The following DNAH11 variants were observed in gnomAD, a reference collection of about 807,000 sequenced individuals.
DNAH11 encodes the protein axonemal beta dynein heavy chain 11.
Under a neutral mutation model 526.0 loss-of-function variants are expected in DNAH11, and 442 were observed. That is an observed-to-expected ratio of 0.84 (90% CI 0.78 to 0.91). The LOEUF (loss-of-function observed/expected upper bound fraction) is 0.91, where lower values mean the gene tolerates loss of function less well. Ranked by LOEUF, DNAH11 falls within the 40% of genes least tolerant of loss-of-function variation. The pLI is 0.00. For synonymous variants in DNAH11, 2,461 were observed against 1,935.9 expected (o/e 1.27, Z -7.12); for missense variants, 6,989 against 5,448.7 (o/e 1.28, Z -8.90).
chr7:21,636,145 A>G, intron 26 of DNAH11, 50 bp downstream of exon 26: 2 of 1,466,618 alleles, frequency 1.4e-6, no homozygotes, highest in Non-Finnish European at 1.9e-6. Context: ...TTGTAAAGTA[A>G]CATGGTTTTG....
intron 2 of DNAH11, among the ~76,000 whole-genome samples, chr7:21,549,502 G>A (rs1782938365): frequency 6.6e-6 from 1 of 152,178 alleles, no homozygotes. Context: ...AAATGGGGGG[G>A]TTGAGTTTTT....
At chr7:21,651,445 C>A (rs952448127) in intron 28 of DNAH11, among the ~76,000 whole-genome samples, 2 of 152,116 alleles carry the variant, frequency 1.3e-5, no homozygotes, top group Non-Finnish European at 2.9e-5. Flanking sequence ...TCACTGCAAC[C>A]TCCGCCCCTC....
In DNAH11 at chr7:21,791,992, A is replaced by G. The variant is rs374187242; in HGVS notation, c.10026+2650A>G. Among the ~76,000 whole-genome samples, 14 of 152,294 alleles carry G rather than the reference A, an allele frequency of 9.2e-5. No individual in the cohort carries two copies. In the East Asian group the frequency reaches 2.3e-3, roughly 25 times the overall value. On this transcript the variant is annotated intron_variant, in intron 61 of 81. Coordinates refer to ENST00000409508, the MANE Select transcript of DNAH11 (RefSeq NM_001277115.2). ...TTCCTGCTTTGGGCGGGGCCTCAGG[A>G]AACTTTCAACCATGGCAGAAAGCAA...
intron 31 of DNAH11, among the ~76,000 whole-genome samples, chr7:21,683,254 C>A (rs992937025): frequency 6.6e-6 from 1 of 152,030 alleles, no homozygotes; most frequent in African/African-American, 2.4e-5. Flanking sequence ...GGATTTTTAA[C>A]TGGAAGATGA....
At chr7:21,568,256 C>T (rs1783751371) in intron 6 of DNAH11, among the ~76,000 whole-genome samples, 1 of 152,004 alleles carries the variant, frequency 6.6e-6, no homozygotes. Flanking sequence ...AATCTAGTGG[C>T]TTTTAGCTTG....
chr7:21,787,178 TG>T (rs1234307513), intron 59 of DNAH11, among the ~76,000 whole-genome samples: 1 of 152,216 alleles, frequency 6.6e-6, no homozygotes, highest in East Asian at 1.9e-4. Context: ...CCTCCTGTGC[TG>T]GGACTGAATA....
intron 54 of DNAH11, among the ~76,000 whole-genome samples, chr7:21,756,136 G>C (rs1366723159): frequency 4.0e-5 from 6 of 151,698 alleles, no homozygotes; most frequent in Admixed American, 3.9e-4. Context: ...TGCACTCCAT[G>C]GTTATAAAAA....
intron 25 of DNAH11, among the ~76,000 whole-genome samples, chr7:21,633,676 T>G (rs1171958109): frequency 6.6e-6 from 1 of 152,156 alleles, no homozygotes; most frequent in Non-Finnish European, 1.5e-5. Flanking sequence ...GAAGATGCAC[T>G]TGAGTAGGGA....
At chr7:21,733,819 C>T (rs1463491677) in intron 45 of DNAH11, among the ~76,000 whole-genome samples, 1 of 152,138 alleles carries the variant, frequency 6.6e-6, no homozygotes, top group Non-Finnish European at 1.5e-5. Context: ...CCTTCTAAGG[C>T]AGGGACTGTC....
chr7:21,862,077 C>G (rs878966560), intron 69 of DNAH11, 54 bp downstream of exon 69: 2 of 1,461,990 alleles, frequency 1.4e-6, no homozygotes, highest in South Asian at 1.3e-5. Context: ...GCAGATGCCT[C>G]TGTTTATTAT....
At chr7:21,664,303 T>TTTTTAAATG (rs1280846611) in intron 30 of DNAH11, among the ~76,000 whole-genome samples, 2 of 152,132 alleles carry the variant, frequency 1.3e-5, no homozygotes, top group African/African-American at 4.8e-5. Flanking sequence ...ATTTGATTTG[T>TTTTTAAATG]TTTTAAATGT....
chr7:21,768,299 G>C (rs35428164), intron 55 of DNAH11, among the ~76,000 whole-genome samples: 33,398 of 152,182 alleles, frequency 0.22, 4,408 homozygotes, highest in East Asian at 0.53. Flanking sequence ...TGTGTGAAGA[G>C]CTTAGTGATT....
chr7:21,782,659 C>T (rs1395177826), intron 57 of DNAH11, among the ~76,000 whole-genome samples: 2 of 152,204 alleles, frequency 1.3e-5, no homozygotes, highest in Non-Finnish European at 2.9e-5. Flanking sequence ...TGCCTGTAAT[C>T]TCAGCACTTT....
At chr7:21,849,809 C>G (rs1300550317) in intron 66 of DNAH11, among the ~76,000 whole-genome samples, 2 of 152,000 alleles carry the variant, frequency 1.3e-5, no homozygotes, top group Non-Finnish European at 2.9e-5. Flanking sequence ...TGGCATTTAT[C>G]CTGCTTAATG....
intron 41 of DNAH11, 117 bp from the exon 42 acceptor site, chr7:21,711,595 G>C (rs1437970743): frequency 7.1e-6 from 10 of 1,410,060 alleles, no homozygotes; most frequent in Non-Finnish European, 9.4e-6. Flanking sequence ...CTGCACTTCT[G>C]ATTCAGGAGA....
intron 14 of DNAH11, among the ~76,000 whole-genome samples, chr7:21,594,061 CAT>C (rs1562686731): frequency 1.5e-5 from 2 of 129,952 alleles, no homozygotes; most frequent in African/African-American, 5.9e-5. Flanking sequence ...TTCATACACA[CAT>C]ACACACACAC....
At position 21,737,618 on chromosome 7, in the gene DNAH11, A is replaced by T. The variant is rs370668977; in HGVS notation, c.7646-1083A>T. On this transcript the variant is annotated intron_variant, in intron 46 of 81. Transcript: ENST00000409508. ...TGACCCTGGACCAGAATTGTAGAAA[A>T]GGAGGTGGCAAGTTGGGAACATATG... Among the ~76,000 whole-genome samples, 13 of 152,290 alleles carry T rather than the reference A, an allele frequency of 8.5e-5. No homozygotes were observed. In the East Asian group the frequency reaches 1.9e-3, roughly 23 times the overall value.
chr7:21,662,611 A>G (rs1782281408), intron 30 of DNAH11, among the ~76,000 whole-genome samples: 1 of 152,004 alleles, frequency 6.6e-6, no homozygotes, highest in South Asian at 2.1e-4. Context: ...TTTTTGTGGT[A>G]AGAATGTTTA....
At position 21,892,277 on chromosome 7, in the gene DNAH11, T is replaced by C. The variant is rs1784352261; in HGVS notation, c.12508-148T>C. ...GTCTGGTGTTGCATATAGAGCAAAA[T>C]TGTTGATTATAAAACAGTTTAGGGA... On this transcript the variant is annotated intron_variant, in intron 76 of 81. Transcript: ENST00000409508. 30 of 1,124,254 alleles carry C rather than the reference T, an allele frequency of 2.7e-5. No individual in the cohort carries two copies. The East Asian group carries it at 4.0e-4, about 15-fold the overall frequency. 69.6% of individuals were successfully genotyped at this position (1,124,254 alleles called of 1,614,324 possible).
Sources: gnomAD v4.1 joint callset for allele counts (sites outside exome capture counted in the v4.1 genomes callset) on GRCh38, gnomAD v4.1.1 for gene constraint, MANE v1.5 for transcripts, NCBI Gene and HGNC (gene_info 2026-07-23, HGNC 2026-07-21) for gene names.